Variants in GALNT13 observed in about 807,000 individuals in gnomAD.
GALNT13 encodes the protein polypeptide N-acetylgalactosaminyltransferase 13.
A neutral mutation model predicts 64.2 loss-of-function variants in GALNT13; 28 were observed. The ratio of observed to expected loss-of-function variants is 0.44; its 90% confidence interval spans 0.32 to 0.60. The LOEUF (loss-of-function observed/expected upper bound fraction) is 0.60, where lower values mean the gene tolerates loss of function less well. Ranked by LOEUF, GALNT13 falls within the 20% of genes least tolerant of loss-of-function variation. GALNT13 has a pLI of 0.05. For missense variants in GALNT13, 577 were observed against 669.8 expected, an observed-to-expected ratio of 0.86 and a Z score of 1.53; for synonymous variants, 214 against 224.6, an observed-to-expected ratio of 0.95 and a Z score of 0.42.
intron 3 of GALNT13, among the ~76,000 whole-genome samples, chr2:154,060,899 G>A (rs1229191607): frequency 6.6e-6 from 1 of 152,062 alleles, no homozygotes; most frequent in African/African-American, 2.4e-5. Flanking sequence ...GACCTGAAGA[G>A]TAGATTTGGA....
intron 9 of GALNT13, among the ~76,000 whole-genome samples, chr2:154,316,300 C>T (rs1049156663): frequency 6.6e-6 from 1 of 151,870 alleles, no homozygotes; most frequent in African/African-American, 2.4e-5. Flanking sequence ...TAACATCTGT[C>T]GTTAACAAAA....
chr2:154,440,853 G>T (rs1221737361), intron 12 of GALNT13, among the ~76,000 whole-genome samples: 1 of 152,110 alleles, frequency 6.6e-6, no homozygotes, highest in African/African-American at 2.4e-5. Flanking sequence ...CAGCTTTGAT[G>T]TGCGATTATA....
chr2:153,447,929 A>G, the GALNT13 span, among the ~76,000 whole-genome samples: 1 of 152,214 alleles, frequency 6.6e-6, no homozygotes, highest in Non-Finnish European at 1.5e-5. Context: ...TTAAAGGGCC[A>G]TTGTATTTCT....
At chr2:154,185,827 C>T (rs1573833408) in intron 4 of GALNT13, among the ~76,000 whole-genome samples, 1 of 151,970 alleles carries the variant, frequency 6.6e-6, no homozygotes, top group South Asian at 2.1e-4. Context: ...GAATCTGACT[C>T]CATATCAAGG....
chr2:153,954,403 C>T (rs1284892899), intron 3 of GALNT13, among the ~76,000 whole-genome samples: 1 of 151,966 alleles, frequency 6.6e-6, no homozygotes, highest in Non-Finnish European at 1.5e-5. Flanking sequence ...GGATAATTTT[C>T]AATCAGTTCT....
intron 9 of GALNT13, among the ~76,000 whole-genome samples, chr2:154,395,085 A>G (rs572123443): frequency 3.2e-4 from 49 of 152,298 alleles, no homozygotes; most frequent in Middle Eastern, 3.4e-3. Context: ...ATACTAGGCC[A>G]TTTTGTGCCA....
chr2:154,114,080 G>T (rs1703138597), intron 3 of GALNT13, among the ~76,000 whole-genome samples: 1 of 152,190 alleles, frequency 6.6e-6, no homozygotes, highest in South Asian at 2.1e-4. Flanking sequence ...ACGGGGATGT[G>T]GTGGGAATCA....
chr2:153,514,477 A>G, the GALNT13 span, among the ~76,000 whole-genome samples: 929 of 152,252 alleles, frequency 6.1e-3, 6 homozygotes, highest in African/African-American at 0.021. Flanking sequence ...CTTTTTGCCA[A>G]GAATGGTAAC....
the GALNT13 span, among the ~76,000 whole-genome samples, chr2:153,607,744 T>C: frequency 6.6e-6 from 1 of 152,170 alleles, no homozygotes. Context: ...TAAACTCAGC[T>C]ATAAAATATT....
chr2:154,297,679 G>A (rs990160051), intron 8 of GALNT13, among the ~76,000 whole-genome samples: 1 of 152,110 alleles, frequency 6.6e-6, no homozygotes, highest in Non-Finnish European at 1.5e-5. Context: ...GCAAGCAAAC[G>A]AAAACAGATG....
chr2:153,350,972 T>C, the GALNT13 span, among the ~76,000 whole-genome samples: 3 of 152,288 alleles, frequency 2.0e-5, no homozygotes, highest in African/African-American at 7.2e-5. Context: ...AATTTTGTAA[T>C]CTTCTGTTAA....
At chr2:153,961,718 A>G (rs1165888597) in intron 3 of GALNT13, among the ~76,000 whole-genome samples, 3 of 152,220 alleles carry the variant, frequency 2.0e-5, no homozygotes, top group African/African-American at 7.2e-5. Flanking sequence ...AAGCTTGAAG[A>G]TCAAATTTTC....
At chr2:153,731,747 A>T in the GALNT13 span, among the ~76,000 whole-genome samples, 1 of 152,146 alleles carries the variant, frequency 6.6e-6, no homozygotes, top group East Asian at 1.9e-4. Flanking sequence ...TATATTTGCC[A>T]ATTTTATATT....
chr2:153,440,716 T>C, the GALNT13 span, among the ~76,000 whole-genome samples: 2 of 152,226 alleles, frequency 1.3e-5, no homozygotes, highest in Admixed American at 6.5e-5. Flanking sequence ...GATATGCTTT[T>C]TTTCATATGT....
intron 3 of GALNT13, among the ~76,000 whole-genome samples, chr2:153,986,529 C>A (rs73965340): frequency 1.3e-5 from 2 of 151,944 alleles, no homozygotes; most frequent in East Asian, 3.9e-4. Context: ...TTTCTCAATT[C>A]GAATTTATGG....
chr2:153,096,244 GT>G, the GALNT13 span, among the ~76,000 whole-genome samples: 1 of 148,864 alleles, frequency 6.7e-6, no homozygotes, highest in East Asian at 2.0e-4. Context: ...ATTTTAGTTT[GT>G]TTTTTTTTGG....
At chr2:154,271,867 G>C (rs917496161) in intron 8 of GALNT13, among the ~76,000 whole-genome samples, 1 of 151,792 alleles carries the variant, frequency 6.6e-6, no homozygotes, top group African/African-American at 2.4e-5. Flanking sequence ...ATGATGTATG[G>C]ATAAAAATTT....
At chr2:154,031,268 T>C (rs986564462) in intron 3 of GALNT13, among the ~76,000 whole-genome samples, 8 of 152,028 alleles carry the variant, frequency 5.3e-5, no homozygotes, top group Non-Finnish European at 5.9e-5. Flanking sequence ...TGAAAAATTA[T>C]GTATTGTAAG....
the GALNT13 span, among the ~76,000 whole-genome samples, chr2:153,436,419 G>T: frequency 1.3e-5 from 2 of 152,114 alleles, no homozygotes; most frequent in Non-Finnish European, 2.9e-5. Context: ...GTTCCTCCTT[G>T]TACCTCTGGT....
Sources: gnomAD v4.1 joint callset for allele counts (sites outside exome capture counted in the v4.1 genomes callset) on GRCh38, gnomAD v4.1.1 for gene constraint, MANE v1.5 for transcripts, NCBI Gene and HGNC (gene_info 2026-07-23, HGNC 2026-07-21) for gene names.